Variants in CDH13 observed in about 807,000 individuals in gnomAD.
CDH13 encodes cadherin 13, also known as cadherin-13.
CDH13 carries 24 observed loss-of-function variants against 63.8 expected under a neutral mutation model. The observed-to-expected ratio is 0.38, with a 90% confidence interval of 0.27 to 0.53. The LOEUF (loss-of-function observed/expected upper bound fraction) is 0.53. Among genes scored for constraint, CDH13 ranks in the 20% least tolerant of loss-of-function variants. The pLI is 0.85. For missense variants in CDH13, 1,049 were observed against 903.1 expected, an observed-to-expected ratio of 1.16 and a Z score of -2.07; for synonymous variants, 503 against 355.3, an observed-to-expected ratio of 1.42 and a Z score of -4.67.
intron 6 of CDH13, among the ~76,000 whole-genome samples, chr16:83,362,591 A>G (rs940846634): frequency 1.3e-5 from 2 of 152,150 alleles, no homozygotes; most frequent in Non-Finnish European, 2.9e-5. Flanking sequence ...TACTGTCTCC[A>G]TGTTTCATGT....
intron 6 of CDH13, among the ~76,000 whole-genome samples, chr16:83,411,091 C>T (rs975123854): frequency 1.3e-4 from 20 of 152,232 alleles, no homozygotes; most frequent in African/African-American, 4.8e-4. Context: ...TCCAGCCCTC[C>T]TTTACATCCT....
chr16:83,705,799 G>A (rs1231694655), intron 10 of CDH13, among the ~76,000 whole-genome samples: 1 of 152,182 alleles, frequency 6.6e-6, no homozygotes, highest in Non-Finnish European at 1.5e-5. Flanking sequence ...AGGAGAAGAG[G>A]AGGGAATGTT....
At chr16:83,648,035 C>A (rs976167143) in intron 8 of CDH13, among the ~76,000 whole-genome samples, 1 of 152,114 alleles carries the variant, frequency 6.6e-6, no homozygotes, top group Non-Finnish European at 1.5e-5. Flanking sequence ...GTGACCACAC[C>A]TTTTTTTGGT....
Position 83,774,288 on chromosome 16 carries a change from C to G in CDH13, c.1682-5680C>G, listed in dbSNP as rs558484516. On this transcript the variant is annotated intron_variant, in intron 11 of 13. Coordinates refer to ENST00000567109, the MANE Select transcript of CDH13 (RefSeq NM_001257.5). ...GTACCCAGCCTGACTATGACACAGG[C>G]TGTCATAGTCATTTCCAGCAAGCAA... 4.3e-4 allele frequency among the ~76,000 whole-genome samples: 65 copies of G among 152,268 alleles called. No homozygotes were observed. The South Asian group carries it at 0.012, about 27-fold the overall frequency.
chr16:83,742,726 G>T (rs983237684), intron 10 of CDH13, among the ~76,000 whole-genome samples: 2 of 152,118 alleles, frequency 1.3e-5, no homozygotes, highest in Admixed American at 6.5e-5. Flanking sequence ...GGGAACGATG[G>T]CTCCACCGTT....
chr16:83,352,545 C>G (rs2090974661), intron 6 of CDH13, among the ~76,000 whole-genome samples: 1 of 152,170 alleles, frequency 6.6e-6, no homozygotes, highest in Admixed American at 6.6e-5. Flanking sequence ...ATATTCATCA[C>G]CACACCATAC....
intron 4 of CDH13, among the ~76,000 whole-genome samples, chr16:83,145,164 C>T (rs985724226): frequency 6.6e-6 from 1 of 152,258 alleles, no homozygotes; most frequent in East Asian, 1.9e-4. Flanking sequence ...ACATCCAATT[C>T]GGCTTTAATT....
intron 7 of CDH13, among the ~76,000 whole-genome samples, chr16:83,579,203 T>C (rs1905312750): frequency 1.3e-5 from 2 of 152,144 alleles, no homozygotes; most frequent in African/African-American, 4.8e-5. Context: ...ACCACCTCAG[T>C]GAGGCAGAGA....
At chr16:82,716,834 A>G (rs2032407385) in intron 1 of CDH13, among the ~76,000 whole-genome samples, 1 of 151,818 alleles carries the variant, frequency 6.6e-6, no homozygotes, top group Admixed American at 6.6e-5. Context: ...TGATAACTAT[A>G]GATCTTCTTT....
At chr16:82,940,579 C>T (rs1190824535) in intron 2 of CDH13, among the ~76,000 whole-genome samples, 1 of 152,194 alleles carries the variant, frequency 6.6e-6, no homozygotes, top group Non-Finnish European at 1.5e-5. Context: ...GAGCTGGATT[C>T]TTCTTACCTG....
chr16:82,778,382 A>C (rs1350721215), intron 1 of CDH13, among the ~76,000 whole-genome samples: 2 of 152,032 alleles, frequency 1.3e-5, no homozygotes, highest in Non-Finnish European at 2.9e-5. Context: ...GTTGAATCTA[A>C]TTTTATTACA....
intron 4 of CDH13, among the ~76,000 whole-genome samples, chr16:83,143,106 A>G (rs974404514): frequency 6.6e-5 from 10 of 152,306 alleles, no homozygotes; most frequent in African/African-American, 2.4e-4. Context: ...CTCCACCTCA[A>G]AAAATAAAAA....
At chr16:82,850,674 G>A (rs1191806612) in intron 1 of CDH13, among the ~76,000 whole-genome samples, 1 of 152,156 alleles carries the variant, frequency 6.6e-6, no homozygotes, top group Non-Finnish European at 1.5e-5. Context: ...GAAAGGAAGA[G>A]TCGATAGATT....
intron 1 of CDH13, among the ~76,000 whole-genome samples, chr16:82,742,155 A>G (rs1040332334): frequency 6.6e-6 from 1 of 152,190 alleles, no homozygotes; most frequent in Non-Finnish European, 1.5e-5. Flanking sequence ...GTTCCAACAT[A>G]AGAAATTAAG....
chr16:82,830,722 T>C (rs2038498110), intron 1 of CDH13, among the ~76,000 whole-genome samples: 1 of 152,198 alleles, frequency 6.6e-6, no homozygotes, highest in Admixed American at 6.5e-5. Context: ...TTGACACATG[T>C]TTGTTGAATA....
At chr16:83,725,706 C>G (rs1249212140) in intron 10 of CDH13, 2 of 152,344 alleles carry the variant, frequency 1.3e-5, no homozygotes, top group South Asian at 2.1e-4. Context: ...TGACTAATTT[C>G]TAATGAGAGT....
intron 1 of CDH13, among the ~76,000 whole-genome samples, chr16:82,745,603 C>G (rs1313686307): frequency 1.3e-5 from 2 of 151,192 alleles, no homozygotes; most frequent in African/African-American, 2.4e-5. Flanking sequence ...GACTCTGTCT[C>G]AAAAAAAAGT....
chr16:82,633,517 T>C (rs747253228), intron 1 of CDH13, among the ~76,000 whole-genome samples: 2 of 152,194 alleles, frequency 1.3e-5, no homozygotes, highest in Non-Finnish European at 2.9e-5. Flanking sequence ...TAGCTGGGAT[T>C]ACAGGTGCCC....
chr16:83,336,550 A>G (rs1567600834), intron 5 of CDH13, among the ~76,000 whole-genome samples: 1 of 152,228 alleles, frequency 6.6e-6, no homozygotes, highest in African/African-American at 2.4e-5. Context: ...AGATGTAACT[A>G]CTGTGTGCTT....
Sources: gnomAD v4.1 joint callset for allele counts (sites outside exome capture counted in the v4.1 genomes callset) on GRCh38, gnomAD v4.1.1 for gene constraint, MANE v1.5 for transcripts, NCBI Gene and HGNC (gene_info 2026-07-23, HGNC 2026-07-21) for gene names.